Variants in CHST9 observed in about 807,000 individuals in gnomAD.
The protein encoded by CHST9 is carbohydrate sulfotransferase 9.
In CHST9, 41 loss-of-function variants were observed where a neutral mutation model predicts 44.4. That is an observed-to-expected ratio of 0.92 (90% CI 0.72 to 1.20). CHST9 has a LOEUF of 1.20. Ranked by LOEUF, CHST9 falls within the 50% of genes most tolerant of loss-of-function variation. The pLI is 0.00. For synonymous variants in CHST9, 171 were observed against 178.4 expected (o/e 0.96, Z 0.33); for missense variants, 504 against 516.5 (o/e 0.98, Z 0.23).
chr18:27,128,887 AC>A (rs2058448088), intron 2 of CHST9, among the ~76,000 whole-genome samples: 2 of 152,148 alleles, frequency 1.3e-5, no homozygotes, highest in South Asian at 2.1e-4. Flanking sequence ...TCATGGATAA[AC>A]CGTTGGCTGC....
chr18:26,979,028 ATTTTT>A (rs1175754219), intron 4 of CHST9, among the ~76,000 whole-genome samples: 1 of 151,296 alleles, frequency 6.6e-6, no homozygotes, highest in South Asian at 2.1e-4. Flanking sequence ...ATTTTATTTT[ATTTTT>A]TTTAAAGATT....
chr18:27,143,594 A>AT (rs199557832), intron 1 of CHST9, among the ~76,000 whole-genome samples: 2,595 of 135,734 alleles, frequency 0.019, 68 homozygotes, highest in African/African-American at 0.058. Flanking sequence ...TTAACCTTTT[A>AT]TTTTTTTTAA....
chr18:27,095,031 T>G (rs1324871611), intron 2 of CHST9, among the ~76,000 whole-genome samples: 1 of 152,178 alleles, frequency 6.6e-6, no homozygotes, highest in African/African-American at 2.4e-5. Flanking sequence ...TAGTTGACAT[T>G]AAAAAATATT....
At chr18:27,087,407 C>T (rs1461658419) in intron 2 of CHST9, among the ~76,000 whole-genome samples, 2 of 152,162 alleles carry the variant, frequency 1.3e-5, no homozygotes, top group African/African-American at 2.4e-5. Flanking sequence ...TGAGCTTCTT[C>T]GCCCTTTTAT....
chr18:26,918,001 A>G (rs139714040), intron 5 of CHST9, among the ~76,000 whole-genome samples: 243 of 152,290 alleles, frequency 1.6e-3, no homozygotes, highest in African/African-American at 5.3e-3. Context: ...CCAAGTGAAG[A>G]ATGACTAAGG....
rs116649307 is a variant in CHST9, at chr18:27,040,577, A to G, written c.160+7888T>C. On this transcript the variant is annotated intron_variant, in intron 3 of 5. Coordinates refer to ENST00000618847, the MANE Select transcript of CHST9 (RefSeq NM_031422.6). ...ATAACCTCACTTCTGGGGTGAGTGG[A>G]CTTGAGGTGTTTCATGTTTCCTTAG... Among the ~76,000 whole-genome samples, 1,221 of 152,144 alleles carry G rather than the reference A, an allele frequency of 8.0e-3. 23 individuals carry two copies. Among genetic ancestry groups the G allele is most frequent in the African/African-American group, 0.028 (1,171 of 41,510 alleles).
At position 27,018,342 on chromosome 18, in the gene CHST9, C is replaced by T. The variant is rs554820113; in HGVS notation, c.202+5774G>A. Among the ~76,000 whole-genome samples the T allele has an allele frequency of 5.9e-5, 9 of 152,256 alleles. No homozygotes were observed. In the East Asian group the frequency reaches 1.7e-3, roughly 29 times the overall value. ...ATATTATGTTCATGTAATTCTGGTA[C>T]CAGGAAAATATTTAAGAGAATAGCT... On this transcript the variant is annotated intron_variant, in intron 4 of 5. Transcript: ENST00000618847.
At chr18:27,152,138 A>G (rs1366595975) in intron 1 of CHST9, among the ~76,000 whole-genome samples, 1 of 152,148 alleles carries the variant, frequency 6.6e-6, no homozygotes, top group Non-Finnish European at 1.5e-5. Flanking sequence ...CTAGACACTA[A>G]TTTATAGGTG....
chr18:27,119,088 T>C (rs915485875), intron 2 of CHST9, among the ~76,000 whole-genome samples: 4 of 152,156 alleles, frequency 2.6e-5, no homozygotes, highest in Admixed American at 1.3e-4. Flanking sequence ...GAAAAGATCA[T>C]AGGCTCTGGG....
chr18:27,175,713 A>C lies in CHST9; in HGVS notation c.-97+9423T>G, dbSNP rs1421691804. 2.0e-5 allele frequency among the ~76,000 whole-genome samples: 3 copies of C among 152,018 alleles called. No homozygotes were observed. In the East Asian group the frequency reaches 5.8e-4, roughly 29 times the overall value. ...TAACTTTGTACATGTGGAGTTAGAG[A>C]TGTTCACTCAACATTTATTCAACAA... is the stretch of plus-strand genomic sequence containing the variant. On this transcript the variant is annotated intron_variant, in intron 1 of 5. Coordinates refer to ENST00000618847, the MANE Select transcript of CHST9 (RefSeq NM_031422.6).
At chr18:27,141,742 TAAAAAAA>T (rs35595422) in intron 2 of CHST9, among the ~76,000 whole-genome samples, 2 of 122,044 alleles carry the variant, frequency 1.6e-5, no homozygotes, top group Admixed American at 8.4e-5. Context: ...TAGAATAACT[TAAAAAAA>T]AAAAAAAAAA....
At chr18:26,919,256 T>C (rs753916259) in intron 5 of CHST9, among the ~76,000 whole-genome samples, 4 of 152,176 alleles carry the variant, frequency 2.6e-5, no homozygotes, top group Non-Finnish European at 5.9e-5. Flanking sequence ...CTCCAAATCT[T>C]CCATACCATT....
At chr18:27,022,954 G>A (rs1158555863) in intron 4 of CHST9, among the ~76,000 whole-genome samples, 1 of 152,112 alleles carries the variant, frequency 6.6e-6, no homozygotes, top group African/African-American at 2.4e-5. Flanking sequence ...CATGGCCCTT[G>A]GCTAAGTGTT....
chr18:27,169,601 T>C (rs1047860733), intron 1 of CHST9, among the ~76,000 whole-genome samples: 1 of 131,586 alleles, frequency 7.6e-6, no homozygotes. Context: ...TATTCTTCTT[T>C]TTTTTTTTTT....
At chr18:26,997,514 G>C (rs1161048539) in intron 4 of CHST9, among the ~76,000 whole-genome samples, 2 of 152,194 alleles carry the variant, frequency 1.3e-5, no homozygotes, top group African/African-American at 4.8e-5. Context: ...CACAATGCAA[G>C]ATTTCTAGCT....
intron 5 of CHST9, among the ~76,000 whole-genome samples, chr18:26,942,256 T>C (rs2056094564): frequency 6.6e-6 from 1 of 152,208 alleles, no homozygotes; most frequent in African/African-American, 2.4e-5. Context: ...TGCCAGTGTA[T>C]CATTCTTGAG....
Position 27,125,719 on chromosome 18 carries a change from C to T in CHST9, c.121+16970G>A, listed in dbSNP as rs927368301. Among the ~76,000 whole-genome samples, 10 of 152,246 alleles carry T rather than the reference C, an allele frequency of 6.6e-5. 1 individual carries two copies. The highest frequency in any genetic ancestry group is 6.8e-3 in the Middle Eastern group (2 of 294). ...GATATATTTTGTTCTTTCTCTGAGA[C>T]GGAGCCAAACAAATGGGAAGCTTCC... On this transcript the variant is annotated intron_variant, in intron 2 of 5. Coordinates refer to ENST00000618847, the MANE Select transcript of CHST9 (RefSeq NM_031422.6).
intron 2 of CHST9, among the ~76,000 whole-genome samples, chr18:27,057,191 G>A (rs1382287754): frequency 6.6e-6 from 1 of 152,154 alleles, no homozygotes; most frequent in East Asian, 1.9e-4. Flanking sequence ...AGATTCAATG[G>A]TCTATTCATT....
At chr18:27,136,352 GT>G (rs1264909341) in intron 2 of CHST9, among the ~76,000 whole-genome samples, 1 of 152,218 alleles carries the variant, frequency 6.6e-6, no homozygotes, top group East Asian at 1.9e-4. Context: ...TCCCAGGAAT[GT>G]GGTGTGGTCT....
Sources: allele counts gnomAD v4.1 joint callset (sites outside exome capture counted in the v4.1 genomes callset), GRCh38; gene constraint gnomAD v4.1.1; transcripts MANE v1.5; gene names NCBI Gene and HGNC (gene_info 2026-07-23, HGNC 2026-07-21).